Variants in TCF3 observed in about 807,000 individuals in gnomAD.
TCF3 encodes the protein transcription factor E2-alpha.
A neutral mutation model predicts 72.3 loss-of-function variants in TCF3; 54 were observed. The ratio of observed to expected loss-of-function variants is 0.75; its 90% confidence interval spans 0.60 to 0.94. TCF3 has a LOEUF of 0.94. Among genes scored for constraint, TCF3 ranks in the 40% least tolerant of loss-of-function variants. The pLI is 0.00. For missense variants in TCF3, 1,078 were observed against 934.4 expected (o/e 1.15, Z -2.00); for synonymous variants, 525 against 412.6 (o/e 1.27, Z -3.30).
chr19:1,648,191 G>A (rs549543748), intron 2 of TCF3, among the ~76,000 whole-genome samples: 4 of 152,286 alleles, frequency 2.6e-5, no homozygotes, highest in East Asian at 3.9e-4. Flanking sequence ...CACTTTATAC[G>A]CATCTGGTCC....
At chr19:1,642,270 G>GCA (rs2065426752) in intron 3 of TCF3, among the ~76,000 whole-genome samples, 9 of 149,114 alleles carry the variant, frequency 6.0e-5, no homozygotes, top group Non-Finnish European at 1.0e-4. Flanking sequence ...ACACACGCAC[G>GCA]CACACGCACA....
intron 3 of TCF3, among the ~76,000 whole-genome samples, chr19:1,640,541 G>A (rs191452919): frequency 1.3e-5 from 2 of 152,094 alleles, no homozygotes; most frequent in African/African-American, 4.8e-5. Context: ...AAACACTGAT[G>A]TAAGCAGTGG....
At chr19:1,633,923 C>T (rs1036069278) in intron 3 of TCF3, among the ~76,000 whole-genome samples, 3 of 152,186 alleles carry the variant, frequency 2.0e-5, no homozygotes, top group African/African-American at 7.2e-5. Flanking sequence ...TGCATGTTGT[C>T]TGGTCCCCTC....
At chr19:1,626,574 G>A (rs1056291023) in intron 6 of TCF3, among the ~76,000 whole-genome samples, 8 of 152,146 alleles carry the variant, frequency 5.3e-5, no homozygotes, top group South Asian at 2.1e-4. Flanking sequence ...TGTGGCCACC[G>A]CGGGGCTCGA....
intron 3 of TCF3, among the ~76,000 whole-genome samples, chr19:1,640,654 T>C (rs2065105087): frequency 6.6e-6 from 1 of 151,606 alleles, no homozygotes; most frequent in Non-Finnish European, 1.5e-5. Flanking sequence ...CCGTCTCTAC[T>C]AAAAATACAA....
chr19:1,617,709 A>G (rs1178825798), intron 16 of TCF3, among the ~76,000 whole-genome samples: 1 of 152,206 alleles, frequency 6.6e-6, no homozygotes, highest in Admixed American at 6.5e-5. Context: ...CAGGAAGGAA[A>G]CAGAGGGGAG....
intron 3 of TCF3, among the ~76,000 whole-genome samples, chr19:1,632,816 G>C (rs139055347): frequency 1.3e-5 from 2 of 152,336 alleles, no homozygotes; most frequent in Admixed American, 6.5e-5. Context: ...TTCTGACCCT[G>C]TGAGAAAGGC....
At position 1,623,196 on chromosome 19, in the gene TCF3, G is replaced by A. The variant is rs1302304918; in HGVS notation, c.549+755C>T. 2.6e-5 allele frequency among the ~76,000 whole-genome samples: 4 copies of A among 152,084 alleles called. No homozygotes were observed. In the East Asian group the frequency reaches 5.8e-4, roughly 22 times the overall value. On this transcript the variant is annotated intron_variant, in intron 8 of 18. Coordinates refer to ENST00000262965, the MANE Select transcript of TCF3 (RefSeq NM_003200.5). ...CTCTTGGGGCCAGCACAGGCACTGG[G>A]CAGAGGGTGGTTGGTGGCTACTGAG...
rs2060964920 is a variant in TCF3 at position 1,611,289 on chromosome 19, T to G, written c.*418A>C. 5.7e-6 allele frequency: 2 copies of G among 351,428 alleles called. No individual in the cohort carries two copies. Among genetic ancestry groups the G allele is most frequent in the African/African-American group, 4.2e-5 (2 of 47,946 alleles). 21.8% of individuals were successfully genotyped at this position (351,428 alleles called of 1,614,324 possible). On this transcript the variant is annotated 3_prime_UTR_variant, in exon 19 of 19. Transcript: ENST00000262965. ...TCCCCCTTGAGTGATATGTTTCCAT[T>G]TCTCCGCTTTTTATAGTTAAGGCAT... is the stretch of plus-strand genomic sequence containing the variant.
chr19:1,621,046 T>C lies in TCF3; in HGVS notation c.1015A>G (p.Ile339Val), dbSNP rs769138404. ...GDALGKALAS[I>V]YSPDHSSNNF... ...TTGCTTGAGTGATCCGGGGAGTAGA[T>C]CTGCGAGGAGGACCAGGAGAGATGG... The change falls in exon 13 of 19, where the codon ATC becomes GTC. Residue 339 changes from isoleucine to valine, a missense_variant and splice_region_variant. Transcript: ENST00000262965. 4.6e-6 allele frequency: 7 copies of C among 1,522,928 alleles called. No individual in the cohort carries two copies. The highest frequency in any genetic ancestry group is 6.2e-6 in the Non-Finnish European group (7 of 1,129,744). 94.3% of individuals were successfully genotyped at this position (1,522,928 alleles called of 1,614,324 possible).
chr19:1,629,723 TG>T (rs1199783390), intron 5 of TCF3, among the ~76,000 whole-genome samples: 4 of 152,162 alleles, frequency 2.6e-5, no homozygotes, highest in African/African-American at 9.7e-5. Flanking sequence ...GGAATGTGAC[TG>T]GGGCTGCTGT....
chr19:1,634,990 C>G (rs1338420622), intron 3 of TCF3, among the ~76,000 whole-genome samples: 1 of 152,222 alleles, frequency 6.6e-6, no homozygotes, highest in East Asian at 1.9e-4. Flanking sequence ...AAAAGACTGT[C>G]CAAGTGCCTT....
intron 3 of TCF3, among the ~76,000 whole-genome samples, chr19:1,641,895 C>G (rs1458863326): frequency 6.6e-6 from 1 of 152,014 alleles, no homozygotes; most frequent in African/African-American, 2.4e-5. Context: ...ACCCAGCCCT[C>G]TACAAAATAC....
intron 3 of TCF3, among the ~76,000 whole-genome samples, chr19:1,635,871 A>T (rs1328684965): frequency 6.6e-6 from 1 of 152,230 alleles, no homozygotes; most frequent in Non-Finnish European, 1.5e-5. Flanking sequence ...ACACCTCGAC[A>T]GCTCCTCACG....
At position 1,612,291 on chromosome 19, in the gene TCF3, G is replaced by A. The variant is rs369863851; in HGVS notation, c.1823-442C>T. 17 of 1,613,672 alleles carry A rather than the reference G, an allele frequency of 1.1e-5. No homozygotes were observed. Among genetic ancestry groups the A allele is most frequent in the African/African-American group, 9.3e-5 (7 of 74,932 alleles). On this transcript the variant is annotated intron_variant, in intron 18 of 18. Transcript: ENST00000262965. ...TTGGTCTGCGCTTTGTCCGACTTGAGGTGCATCTGGCACATGCGCCCCAGC... is the reference window on the plus strand; with the variant it reads ...TTGGTCTGCGCTTTGTCCGACTTGAAGTGCATCTGGCACATGCGCCCCAGC...
intron 8 of TCF3, among the ~76,000 whole-genome samples, chr19:1,623,106 T>G (rs915553685): frequency 6.6e-6 from 1 of 152,164 alleles, no homozygotes; most frequent in African/African-American, 2.4e-5. Context: ...AACCTGACTC[T>G]AACCCCGAAC....
chr19:1,646,501 A>C, intron 2 of TCF3, 74 bp from the exon 3 acceptor site: 1 of 1,391,854 alleles, frequency 7.2e-7, no homozygotes, highest in South Asian at 1.3e-5. Flanking sequence ...TTCAAACCCA[A>C]GCTGGGAGCA....
chr19:1,649,083 C>G (rs372988658), intron 2 of TCF3, among the ~76,000 whole-genome samples: 2 of 152,210 alleles, frequency 1.3e-5, no homozygotes, highest in East Asian at 3.8e-4. Context: ...GAGAATGGGC[C>G]GTACAGGGAC....
Position 1,615,296 on chromosome 19 carries a change from T to C in TCF3, c.1811A>G (p.Gln604Arg), listed in dbSNP as rs2061437188. ...GCGCCCCCACTGACCTCGCACTTGC[T>C]GCTCCAAGTTCAGGATGACCGAGAC... ...QAVSVILNLE[Q>R]QVRERNLNPK... is the part of the protein sequence containing the mutation. The change falls in exon 18 of 19, where the codon CAG becomes CGG. Residue 604 changes from glutamine (Q) to arginine (R), a missense_variant. Transcript: ENST00000262965. The surrounding 1 kb of genome is among the most constrained non-coding windows in gnomAD (Gnocchi z 7.3). 1 of 1,594,156 alleles carries C rather than the reference T, an allele frequency of 6.3e-7. No homozygotes were observed. Among genetic ancestry groups the C allele is most frequent in the South Asian group, 1.1e-5 (1 of 90,088 alleles).
Sources: allele counts gnomAD v4.1 joint callset (sites outside exome capture counted in the v4.1 genomes callset), GRCh38; gene constraint gnomAD v4.1.1; non-coding constraint Gnocchi (gnomAD v3.1); transcripts MANE v1.5; gene names NCBI Gene and HGNC (gene_info 2026-07-23, HGNC 2026-07-21).